The following CAMTA1 variants were observed in gnomAD, a reference collection of about 807,000 sequenced individuals.
CAMTA1 encodes calmodulin-binding transcription activator 1.
CAMTA1 carries 27 observed loss-of-function variants against 170.9 expected under a neutral mutation model. The ratio of observed to expected loss-of-function variants is 0.16; its 90% CI spans 0.12 to 0.22. The LOEUF (loss-of-function observed/expected upper bound fraction) is 0.22, where lower values mean the gene tolerates loss of function less well. Among genes scored for constraint, CAMTA1 ranks in the 10% least tolerant of loss-of-function variants. The probability of loss-of-function intolerance (pLI) is 1.00; values close to 1 mark genes in which losing one functional copy is unlikely to be tolerated. For missense variants in CAMTA1, 1,619 were observed against 2,217.2 expected (o/e 0.73, Z 5.42); for synonymous variants, 833 against 891.5 (o/e 0.93, Z 1.17).
chr1:7,470,241 G>A (rs1395766711), intron 6 of CAMTA1, among the ~76,000 whole-genome samples: 1 of 152,230 alleles, frequency 6.6e-6, no homozygotes, highest in Non-Finnish European at 1.5e-5. Flanking sequence ...GGCAACAGCA[G>A]GTTAAGGAGC....
intron 4 of CAMTA1, among the ~76,000 whole-genome samples, chr1:7,097,818 A>G (rs1232337097): frequency 1.3e-5 from 2 of 152,118 alleles, no homozygotes; most frequent in Non-Finnish European, 2.9e-5. Context: ...TGGAGATGGA[A>G]AGTAGATGGT....
rs954027743 is a variant in CAMTA1 at position 6,970,575 on chromosome 1, G to A, written c.235-120729G>A. Among the ~76,000 whole-genome samples the A allele has an allele frequency of 3.3e-5, 5 of 152,184 alleles. No homozygotes were observed. The highest frequency in any genetic ancestry group is 1.2e-4 in the African/African-American group (5 of 41,438). Reference sequence around the variant, plus strand: ...GACCCAGGGACTCCACCTGAGGCCTGAAGGATACCGTGAGTCTGAAGACTC... The same window carrying A: ...GACCCAGGGACTCCACCTGAGGCCTAAAGGATACCGTGAGTCTGAAGACTC... On this transcript the variant is annotated intron_variant, in intron 3 of 22. Coordinates refer to ENST00000303635, the MANE Select transcript of CAMTA1 (RefSeq NM_015215.4). The surrounding 1 kb of genome is among the most constrained non-coding windows in gnomAD (Gnocchi z 4.4).
intron 6 of CAMTA1, among the ~76,000 whole-genome samples, chr1:7,606,003 G>A (rs1219577418): frequency 3.3e-5 from 5 of 152,148 alleles, no homozygotes; most frequent in African/African-American, 1.2e-4. Context: ...CTGCCCTCGG[G>A]GGAGCTTGTA....
chr1:6,823,559 A>G (rs943127854), intron 2 of CAMTA1, among the ~76,000 whole-genome samples: 1 of 152,132 alleles, frequency 6.6e-6, no homozygotes, highest in African/African-American at 2.4e-5. Context: ...TAGTATGCCA[A>G]AACTCTCTTA....
At chr1:7,743,608 A>C (rs556810915) in intron 16 of CAMTA1, among the ~76,000 whole-genome samples, 1 of 152,150 alleles carries the variant, frequency 6.6e-6, no homozygotes, top group Non-Finnish European at 1.5e-5. Context: ...ACTTAGCAGG[A>C]TGTTGTTGAG....
intron 3 of CAMTA1, among the ~76,000 whole-genome samples, chr1:7,084,053 A>G (rs1378359102): frequency 1.3e-5 from 2 of 151,960 alleles, no homozygotes; most frequent in African/African-American, 2.4e-5. Context: ...AAGCTTTAAG[A>G]AATTATACTT....
chr1:7,686,745 C>T (rs1188805649), intron 11 of CAMTA1, among the ~76,000 whole-genome samples: 5 of 151,894 alleles, frequency 3.3e-5, no homozygotes, highest in African/African-American at 4.8e-5. Flanking sequence ...GGGCAAGAGG[C>T]GATTGTGGCT....
chr1:7,102,699 G>A (rs1023669655), intron 4 of CAMTA1, among the ~76,000 whole-genome samples: 2 of 152,110 alleles, frequency 1.3e-5, no homozygotes, highest in African/African-American at 4.8e-5. Context: ...GAAAATCCAC[G>A]GCCCTTCCAC....
At chr1:6,852,800 G>A (rs1216909655) in intron 3 of CAMTA1, among the ~76,000 whole-genome samples, 4 of 152,214 alleles carry the variant, frequency 2.6e-5, no homozygotes, top group Non-Finnish European at 5.9e-5. Flanking sequence ...GCCATTGGCC[G>A]TTGGTTATTG....
intron 4 of CAMTA1, among the ~76,000 whole-genome samples, chr1:7,192,899 T>C (rs977580767): frequency 1.3e-5 from 2 of 152,212 alleles, no homozygotes; most frequent in African/African-American, 2.4e-5. Flanking sequence ...TCTGAGGTTC[T>C]AAGTCATGCT....
At chr1:7,484,382 A>G (rs946176367) in intron 6 of CAMTA1, among the ~76,000 whole-genome samples, 1 of 152,190 alleles carries the variant, frequency 6.6e-6, no homozygotes, top group Non-Finnish European at 1.5e-5. Context: ...CCCTTCTTCA[A>G]CCACGTGGAG....
chr1:7,417,104 C>T (rs1309307601), intron 5 of CAMTA1, among the ~76,000 whole-genome samples: 2 of 152,208 alleles, frequency 1.3e-5, no homozygotes, highest in African/African-American at 2.4e-5. Context: ...TTTCGTGAAC[C>T]GCAAATGCTG....
chr1:7,283,951 C>T (rs1371170624), intron 5 of CAMTA1, among the ~76,000 whole-genome samples: 2 of 152,158 alleles, frequency 1.3e-5, no homozygotes, highest in Non-Finnish European at 2.9e-5. Context: ...TGGTTAGGAA[C>T]TAGGCATCTG....
rs1666226339 is a variant in CAMTA1, at chr1:7,248,871, C to A, written c.303-620C>A. ...TGACTTTACCTGGCAGTATCTGAGA[C>A]CCCTGACAGCTGAAGCCTAAATGGG... On this transcript the variant is annotated intron_variant, in intron 4 of 22. Transcript: ENST00000303635. The surrounding 1 kb of genome is among the most constrained non-coding windows in gnomAD (Gnocchi z 4.0). 6.6e-6 allele frequency among the ~76,000 whole-genome samples: 1 copy of A among 152,158 alleles called. No individual in the cohort carries two copies. The highest frequency in any genetic ancestry group is 1.5e-5 in the Non-Finnish European group (1 of 68,030).
chr1:7,320,002 C>T (rs2001143), intron 5 of CAMTA1, among the ~76,000 whole-genome samples: 96,597 of 152,110 alleles, frequency 0.64, 31,408 homozygotes, highest in African/African-American at 0.75. Flanking sequence ...AGCTTATCTG[C>T]AGTACTCTGG....
At chr1:6,799,899 T>C (rs963941663) in intron 1 of CAMTA1, among the ~76,000 whole-genome samples, 29 of 152,236 alleles carry the variant, frequency 1.9e-4, no homozygotes, top group Admixed American at 7.8e-4. Flanking sequence ...GTCGGAGATA[T>C]GGAATTTCAT....
intron 11 of CAMTA1, among the ~76,000 whole-genome samples, chr1:7,690,735 C>G (rs2096301222): frequency 6.6e-6 from 1 of 152,224 alleles, no homozygotes; most frequent in African/African-American, 2.4e-5. Flanking sequence ...TTCCGGCAAC[C>G]CGTGAGGCCC....
chr1:7,411,524 T>C (rs1469371281), intron 5 of CAMTA1, among the ~76,000 whole-genome samples: 1 of 78,334 alleles, frequency 1.3e-5, no homozygotes, highest in East Asian at 3.4e-4. Context: ...GGTGAGACTC[T>C]GCCTCAAAAA....
At chr1:7,012,638 G>A (rs976790991) in intron 3 of CAMTA1, among the ~76,000 whole-genome samples, 5 of 152,122 alleles carry the variant, frequency 3.3e-5, no homozygotes, top group East Asian at 1.9e-4. Flanking sequence ...AGCCTGTGAC[G>A]TGGCTGATTG....
Sources: allele counts gnomAD v4.1 joint callset (sites outside exome capture counted in the v4.1 genomes callset), GRCh38; gene constraint gnomAD v4.1.1; non-coding constraint Gnocchi (gnomAD v3.1); transcripts MANE v1.5; gene names NCBI Gene and HGNC (gene_info 2026-07-23, HGNC 2026-07-21).